The following CHRNA7 variants were observed in gnomAD, a reference collection of about 807,000 sequenced individuals.
CHRNA7 encodes neuronal acetylcholine receptor subunit alpha-7.
A neutral mutation model predicts 48.0 loss-of-function variants in CHRNA7; 17 were observed. The observed-to-expected ratio is 0.35, with a 90% CI of 0.24 to 0.53. The LOEUF (loss-of-function observed/expected upper bound fraction) is 0.53. Ranked by LOEUF, CHRNA7 falls within the 20% of genes least tolerant of loss-of-function variation. The probability of loss-of-function intolerance (pLI) is 0.92; values close to 1 mark genes in which losing one functional copy is unlikely to be tolerated. For synonymous variants in CHRNA7, 75 were observed against 242.3 expected (o/e 0.31, Z 6.41); for missense variants, 155 against 577.7 (o/e 0.27, Z 7.50).
intron 2 of CHRNA7, among the ~76,000 whole-genome samples, chr15:32,092,598 T>C (rs1024212720): frequency 4.6e-5 from 7 of 152,240 alleles, no homozygotes; most frequent in African/African-American, 1.7e-4. Flanking sequence ...GTAGTAGAGA[T>C]GCATTATTTT....
chr15:32,115,386 C>G (rs1392436451), intron 4 of CHRNA7, among the ~76,000 whole-genome samples: 1 of 152,122 alleles, frequency 6.6e-6, no homozygotes, highest in African/African-American at 2.4e-5. Context: ...GAGGAGAGAG[C>G]TTCTAAACAA....
intron 3 of CHRNA7, among the ~76,000 whole-genome samples, chr15:32,107,456 T>C (rs1023526800): frequency 2.0e-5 from 3 of 149,472 alleles, no homozygotes; most frequent in Non-Finnish European, 3.0e-5. Flanking sequence ...AATATATTTA[T>C]AAATAAAATA....
chr15:32,152,794 A>G (rs12906868), intron 4 of CHRNA7, among the ~76,000 whole-genome samples: 34 of 152,150 alleles, frequency 2.2e-4, no homozygotes, highest in African/African-American at 6.7e-4. Context: ...GTTGTTTACT[A>G]TCTCTCCAAG....
rs143963531 is a variant in CHRNA7, at chr15:32,110,093, C to T, written c.241-1697C>T. On this transcript the variant is annotated intron_variant, in intron 3 of 9. Transcript: ENST00000306901. ...TGACCTGTGTGGTAATAATGGTGAA[C>T]GTGACTGGCTCTGTGATAATTAGTG... Among the ~76,000 whole-genome samples, 12 of 152,276 alleles carry T rather than the reference C, an allele frequency of 7.9e-5. No individual in the cohort carries two copies. In the East Asian group the frequency reaches 1.4e-3, roughly 17 times the overall value.
intron 3 of CHRNA7, among the ~76,000 whole-genome samples, chr15:32,109,885 C>T (rs912582013): frequency 6.6e-6 from 1 of 152,152 alleles, no homozygotes; most frequent in African/African-American, 2.4e-5. Context: ...GGGGAGGCAG[C>T]GTACAGCTCT....
chr15:32,045,458 C>T (rs907674007), intron 2 of CHRNA7, among the ~76,000 whole-genome samples: 7 of 152,028 alleles, frequency 4.6e-5, no homozygotes, highest in Non-Finnish European at 7.4e-5. Flanking sequence ...TCCCTTTAAG[C>T]GCTGGTTTGT....
chr15:32,068,741 A>G (rs2050005994), intron 2 of CHRNA7, among the ~76,000 whole-genome samples: 1 of 152,202 alleles, frequency 6.6e-6, no homozygotes. Context: ...AAAAAAAGAA[A>G]AAAGTGTTAC....
At chr15:32,056,218 A>G (rs752635692) in intron 2 of CHRNA7, among the ~76,000 whole-genome samples, 1 of 152,130 alleles carries the variant, frequency 6.6e-6, no homozygotes, top group Non-Finnish European at 1.5e-5. Context: ...GTCATATTTT[A>G]AAAGTCTTTC....
intron 2 of CHRNA7, among the ~76,000 whole-genome samples, chr15:32,047,004 G>C (rs1292925700): frequency 6.7e-6 from 1 of 150,232 alleles, no homozygotes; most frequent in East Asian, 2.0e-4. Flanking sequence ...ATTTCTGAGG[G>C]CTCTGTTCTG....
At chr15:32,126,292 G>A (rs1476638800) in intron 4 of CHRNA7, among the ~76,000 whole-genome samples, 2 of 152,112 alleles carry the variant, frequency 1.3e-5, no homozygotes, top group Non-Finnish European at 2.9e-5. Flanking sequence ...TAAATGTTTT[G>A]TCCCTACCAG....
At chr15:32,065,610 G>A (rs556244564) in intron 2 of CHRNA7, among the ~76,000 whole-genome samples, 1 of 152,378 alleles carries the variant, frequency 6.6e-6, no homozygotes, top group East Asian at 1.9e-4. Context: ...GTAAGGCTGT[G>A]CACATGCTCA....
intron 4 of CHRNA7, among the ~76,000 whole-genome samples, chr15:32,123,851 G>A (rs1172885300): frequency 1.3e-5 from 2 of 148,658 alleles, no homozygotes; most frequent in East Asian, 2.0e-4. Context: ...ATAAAAGTCA[G>A]TTTTCTCTTG....
intron 2 of CHRNA7, among the ~76,000 whole-genome samples, chr15:32,094,703 C>T (rs2050438400): frequency 6.6e-6 from 1 of 151,110 alleles, no homozygotes; most frequent in Non-Finnish European, 1.5e-5. Flanking sequence ...CTCTGTCGCC[C>T]AGGCTGGAGT....
chr15:32,086,691 A>G (rs2050302921), intron 2 of CHRNA7, among the ~76,000 whole-genome samples: 1 of 152,152 alleles, frequency 6.6e-6, no homozygotes, highest in African/African-American at 2.4e-5. Flanking sequence ...TCTTCATTGT[A>G]ACAGTTTTTC....
intron 2 of CHRNA7, among the ~76,000 whole-genome samples, chr15:32,063,231 T>C (rs531450637): frequency 6.6e-6 from 1 of 150,530 alleles, no homozygotes; most frequent in South Asian, 2.1e-4. Flanking sequence ...TAGACTACAC[T>C]AAATTAAAAA....
chr15:32,059,882 G>A (rs114301151), intron 2 of CHRNA7, among the ~76,000 whole-genome samples: 2,164 of 122,456 alleles, frequency 0.018, 53 homozygotes, highest in African/African-American at 0.062. Flanking sequence ...GGGCTATAAC[G>A]CCCAAGCTCC....
intron 4 of CHRNA7, among the ~76,000 whole-genome samples, chr15:32,136,719 C>T (rs1322047265): frequency 2.6e-5 from 4 of 151,152 alleles, no homozygotes; most frequent in Non-Finnish European, 5.9e-5. Context: ...AAGTAGGGGT[C>T]GAATGGGGAA....
At chr15:32,125,287 C>G (rs375105981) in intron 4 of CHRNA7, among the ~76,000 whole-genome samples, 30 of 152,230 alleles carry the variant, frequency 2.0e-4, no homozygotes, top group African/African-American at 7.2e-4. Context: ...CATAAAATAC[C>G]AAAGAATCAA....
chr15:32,111,132 C>G (rs1398197708), intron 3 of CHRNA7: 1 of 152,144 alleles, frequency 6.6e-6, no homozygotes, highest in African/African-American at 2.4e-5. Context: ...ATTCCTCTGG[C>G]AAAAGTCACT....
Sources: allele counts gnomAD v4.1 joint callset (sites outside exome capture counted in the v4.1 genomes callset), GRCh38; gene constraint gnomAD v4.1.1; transcripts MANE v1.5; gene names NCBI Gene and HGNC (gene_info 2026-07-23, HGNC 2026-07-21).